The following DDR1 variants were observed in gnomAD, a reference collection of about 807,000 sequenced individuals.
DDR1 encodes discoidin domain receptor tyrosine kinase 1.
DDR1 carries 64 observed loss-of-function variants against 97.4 expected under a neutral mutation model. That is an observed-to-expected ratio of 0.66 (90% CI 0.54 to 0.81). The LOEUF (loss-of-function observed/expected upper bound fraction) is 0.81. Ranked by LOEUF, DDR1 falls within the 30% of genes least tolerant of loss-of-function variation. The pLI, the probability that DDR1 is intolerant of heterozygous loss-of-function variation, is 0.00. For missense variants in DDR1, 990 were observed against 1,259.6 expected, an observed-to-expected ratio of 0.79 and a Z score of 3.24; for synonymous variants, 458 against 503.7, an observed-to-expected ratio of 0.91 and a Z score of 1.21.
At position 30,894,834 on chromosome 6, in the gene DDR1, GT is replaced by G. The variant is rs1483650641; in HGVS notation, c.1513+164del. On this transcript the variant is annotated intron_variant, in intron 11 of 17. Coordinates refer to ENST00000376568, the MANE Select transcript of DDR1 (RefSeq NM_001297654.2). The surrounding 1 kb of genome is among the most constrained non-coding windows in gnomAD (Gnocchi z 5.7). ...TATCACTCTTTGTCCCTACCATGTA[GT>G]CTCTCTCAAGAGTTCCCCATGTATT... 1.1e-4 allele frequency among the ~76,000 whole-genome samples: 16 copies of G among 151,902 alleles called. No individual in the cohort carries two copies. Among genetic ancestry groups the G allele is most frequent in the African/African-American group, 3.6e-4 (15 of 41,326 alleles).
Position 30,897,433 on chromosome 6 carries a change from C to T in DDR1, c.2052C>T (p.Ile684=), listed in dbSNP as rs369128143. 23 of 1,614,046 alleles carry T rather than the reference C, an allele frequency of 1.4e-5. No individual in the cohort carries two copies. Among genetic ancestry groups the T allele is most frequent in the Non-Finnish European group, 1.9e-5 (22 of 1,180,036 alleles). The stretch of plus-strand genomic sequence containing the variant: ...TGTCGAGGCTCAAGGACCCAAACAT[C>T]ATTCGGCTGCTGGGCGTGTGTGTGC... The part of the protein sequence containing the change: ...KIMSRLKDPN[I]IRLLGVCVQD... The change falls in exon 15 of 18, where the codon ATC becomes ATT. Residue 684 remains isoleucine, a synonymous_variant. Coordinates refer to ENST00000376568, the MANE Select transcript of DDR1 (RefSeq NM_001297654.2). This position sits in a 1 kb window ranked among gnomAD's most constrained non-coding sequence, Gnocchi z 5.2.
Position 30,899,983 on chromosome 6 carries a change from T to G in DDR1, c.*687T>G, listed in dbSNP as rs1178035045. ...AAAGAGGGAGCAACGGCCCATAGCC[T>G]TGGGGTTGGACATCTCTAGTGTAGC... On this transcript the variant is annotated 3_prime_UTR_variant, in exon 18 of 18. Transcript: ENST00000376568. The G allele has an allele frequency of 8.5e-6, 5 of 586,304 alleles. No homozygotes were observed. Among genetic ancestry groups the G allele is most frequent in the Admixed American group, 7.5e-5 (4 of 53,006 alleles). 36.3% of individuals were successfully genotyped at this position (586,304 alleles called of 1,614,324 possible).
Position 30,893,080 on chromosome 6 carries a change from A to G in DDR1, c.1112A>G (p.Asn371Ser). The G allele has an allele frequency of 1.2e-6, 2 of 1,612,452 alleles. No individual in the cohort carries two copies. Among genetic ancestry groups the G allele is most frequent in the Non-Finnish European group, 1.7e-6 (2 of 1,179,814 alleles). Reference sequence around the variant, plus strand: ...TCCTTCTCCCCAGATGTGGTGAACAATTCCTCTCCGGCACTGGGAGGCACC... The same window carrying G: ...TCCTTCTCCCCAGATGTGGTGAACAGTTCCTCTCCGGCACTGGGAGGCACC... ...EISFISDVVN[N>S]SSPALGGTFP... is the part of the protein sequence containing the mutation. The change falls in exon 9 of 18, where the codon AAT (asparagine) becomes AGT (serine). Residue 371 changes from asparagine (N) to serine (S), a missense_variant. Asn to Ser is a conservative substitution (Grantham distance 46). Coordinates refer to ENST00000376568, the MANE Select transcript of DDR1 (RefSeq NM_001297654.2).
At position 30,891,820 on chromosome 6, in the gene DDR1, T is replaced by G. The variant is rs1434975634; in HGVS notation, c.666-182T>G. ...GTGACCTGCAAGGTACCTGTAGTGC[T>G]GGGGTGGGGTGGAGAGAGGAGAAGG... On this transcript the variant is annotated intron_variant, in intron 6 of 17. Coordinates refer to ENST00000376568, the MANE Select transcript of DDR1 (RefSeq NM_001297654.2). This position sits in a 1 kb window ranked among gnomAD's most constrained non-coding sequence, Gnocchi z 5.3. Among the ~76,000 whole-genome samples, 1 of 151,998 alleles carries G rather than the reference T, an allele frequency of 6.6e-6. No homozygotes were observed. Among genetic ancestry groups the G allele is most frequent in the Non-Finnish European group, 1.5e-5 (1 of 67,994 alleles).
At position 30,898,317 on chromosome 6, in the gene DDR1, C is replaced by T; in HGVS notation, c.2451+10C>T. On this transcript the variant is annotated intron_variant, in intron 16 of 17. Transcript: ENST00000376568. ...GGAGTGCATCCTCATGGTGAGCAGC[C>T]CGAGGACAGCCAGGTTGGAGCAGGG... The T allele has an allele frequency of 6.2e-7, 1 of 1,601,572 alleles. No homozygotes were observed. The highest frequency in any genetic ancestry group is 8.5e-7 in the Non-Finnish European group (1 of 1,171,116).
In DDR1 at chr6:30,888,609, C is replaced by T. The variant is rs534121673; in HGVS notation, c.-42-79C>T. ...TGTTTTACTGTTATTATCCCCAAAG[C>T]GGCCCATTCTGTCTGTTGCTGTCAG... On this transcript the variant is annotated intron_variant, in intron 1 of 17. Coordinates refer to ENST00000376568, the MANE Select transcript of DDR1 (RefSeq NM_001297654.2). The surrounding 1 kb of genome is among the most constrained non-coding windows in gnomAD (Gnocchi z 4.2). The T allele has an allele frequency of 2.2e-5, 32 of 1,454,082 alleles. No individual in the cohort carries two copies. The highest frequency in any genetic ancestry group is 1.8e-4 in the Middle Eastern group (1 of 5,672). The allele number at this position is 1,454,082 out of a possible 1,614,324, so 90.1% of individuals were successfully genotyped here.
At chr6:30,892,651 C>A (rs1788954532) in intron 8 of DDR1, 109 bp downstream of exon 8, 3 of 1,430,502 alleles carry the variant, frequency 2.1e-6, no homozygotes, top group Non-Finnish European at 2.8e-6. Context: ...ATCTACCCAT[C>A]ACCCACCGAA....
In DDR1 at chr6:30,892,429, C is replaced by T. The variant is rs1463386505; in HGVS notation, c.986C>T (p.Pro329Leu). The T allele has an allele frequency of 8.1e-6, 13 of 1,606,674 alleles. No individual in the cohort carries two copies. Among genetic ancestry groups the T allele is most frequent in the Non-Finnish European group, 1.1e-5 (13 of 1,179,332 alleles). The change falls in exon 8 of 18, where the codon CCC becomes CTC. Residue 329 changes from proline to leucine, a missense_variant. By Grantham distance (98) the Pro-to-Leu change is moderately conservative (BLOSUM62 -3). Transcript: ENST00000376568. The part of the protein sequence containing the change: ...RHNLGGNLGD[P>L]RARAVSVPLG... ...AACCTAGGGGGCAACCTGGGGGACCCCAGAGCCCGGGCTGTCTCAGTGCCC... is the reference window on the plus strand; with the variant it reads ...AACCTAGGGGGCAACCTGGGGGACCTCAGAGCCCGGGCTGTCTCAGTGCCC...
At position 30,884,795 on chromosome 6, in the gene DDR1, G is replaced by A; in HGVS notation, c.-43+85G>A. ...CGCGGCGGCGCCTGCAGGGCGAGGG[G>A]CGGGGGAGGCAGGACGTCCCGAGCC... is the stretch of plus-strand genomic sequence containing the variant. On this transcript the variant is annotated intron_variant, in intron 1 of 17. Coordinates refer to ENST00000376568, the MANE Select transcript of DDR1 (RefSeq NM_001297654.2). The surrounding 1 kb of genome is among the most constrained non-coding windows in gnomAD (Gnocchi z 6.1). 1 of 179,172 alleles carries A rather than the reference G, an allele frequency of 5.6e-6. No homozygotes were observed. The highest frequency in any genetic ancestry group is 1.3e-4 in the East Asian group (1 of 7,566). 11.1% of individuals were successfully genotyped at this position (179,172 alleles called of 1,614,324 possible). A position where few individuals can be genotyped will look rare whatever the true frequency, so the allele number is the denominator to read the frequency against.
Position 30,891,547 on chromosome 6 carries a change from G to GTGTGTGTGTT in DDR1, c.665+77_665+78insTTGTGTGTGT, listed in dbSNP as rs1554256393. On this transcript the variant is annotated intron_variant, in intron 6 of 17. Coordinates refer to ENST00000376568, the MANE Select transcript of DDR1 (RefSeq NM_001297654.2). The surrounding 1 kb of genome is among the most constrained non-coding windows in gnomAD (Gnocchi z 5.3). ...GAGGACTGTGTGTGTGTGTGTGTGT[G>GTGTGTGTGTT]TGTGTGTGTGAGAGTGTGTGTGTGT... The GTGTGTGTGTT allele has an allele frequency of 0.015, 14,566 of 958,916 alleles. 383 individuals carry two copies. Among genetic ancestry groups the GTGTGTGTGTT allele is most frequent in the East Asian group, 0.13 (5,178 of 38,688 alleles). The allele number at this position is 958,916 out of a possible 1,614,324, so 59.4% of individuals were successfully genotyped here.
chr6:30,883,433 C>G (rs1413072449), upstream of DDR1: 1 of 152,696 alleles, frequency 6.5e-6, no homozygotes, highest in Admixed American at 6.5e-5. The surrounding 1 kb of genome is among the most constrained non-coding windows in gnomAD (Gnocchi z 4.9). Context: ...ATCCTCTGCC[C>G]AGTAGCTCTC....
chr6:30,881,951 T>A (rs1784384566), upstream of DDR1: 1 of 153,160 alleles, frequency 6.5e-6, no homozygotes, highest in African/African-American at 2.4e-5. Context: ...AATCTCCTCC[T>A]TCGCTCCCTG....
At position 30,893,091 on chromosome 6, in the gene DDR1, G is replaced by A. The variant is rs375127720; in HGVS notation, c.1123G>A (p.Ala375Thr). 6 of 1,612,000 alleles carry A rather than the reference G, an allele frequency of 3.7e-6. No individual in the cohort carries two copies. The African/African-American group carries it at 6.7e-5, about 18-fold the overall frequency. The stretch of plus-strand genomic sequence containing the variant: ...AGATGTGGTGAACAATTCCTCTCCG[G>A]CACTGGGAGGCACCTTCCCGCCAGC... Reference protein sequence around the residue: ...ISDVVNNSSPALGGTFPPAPW... With the variant: ...ISDVVNNSSPTLGGTFPPAPW... The change falls in exon 9 of 18, where the codon GCA (alanine) becomes ACA (threonine). Residue 375 changes from alanine (A) to threonine (T), a missense_variant. By Grantham distance (58) the Ala-to-Thr change is moderately conservative. Transcript: ENST00000376568.
Position 30,895,439 on chromosome 6 carries a change from C to G in DDR1, c.1549C>G (p.Leu517Val), listed in dbSNP as rs759245439. 6.2e-7 allele frequency: 1 copy of G among 1,611,064 alleles called. No homozygotes were observed. The highest frequency in any genetic ancestry group is 1.3e-5 in the African/African-American group (1 of 74,880). The change falls in exon 12 of 18, where the codon CTG becomes GTG. Residue 517 changes from leucine to valine, a missense_variant. Leu to Val is a conservative substitution (Grantham distance 32). Coordinates refer to ENST00000376568, the MANE Select transcript of DDR1 (RefSeq NM_001297654.2). ...CTCCAATCCAGCCTACCGCCTCCTT[C>G]TGGCCACTTACGCCCGTCCCCCTCG... is the stretch of plus-strand genomic sequence containing the variant. ...LLSNPAYRLL[L>V]ATYARPPRGP...
At chr6:30,895,993 G>T (rs568607483) in intron 12 of DDR1, among the ~76,000 whole-genome samples, 2 of 152,082 alleles carry the variant, frequency 1.3e-5, no homozygotes, top group Admixed American at 1.3e-4. Context: ...CCTTCTCATT[G>T]TGGCCCCTTC....
intron 1 of DDR1, chr6:30,885,062 G>A: frequency 1.3e-6 from 1 of 741,158 alleles, no homozygotes; most frequent in Non-Finnish European, 2.2e-6. Flanking sequence ...CCCTCCACCT[G>A]GCCAGTCCCT....
At chr6:30,882,506 C>T (rs1784460332), upstream of DDR1, 1 of 152,330 alleles carries the variant, frequency 6.6e-6, no homozygotes, top group Non-Finnish European at 1.5e-5. This position sits in a 1 kb window ranked among gnomAD's most constrained non-coding sequence, Gnocchi z 4.8. Context: ...CCCTCTCAGG[C>T]CCCTGGGAAT....
Position 30,898,173 on chromosome 6 carries a change from C to G in DDR1, c.2317C>G (p.Leu773Val). The G allele has an allele frequency of 4.3e-6, 7 of 1,614,278 alleles. No individual in the cohort carries two copies. Among genetic ancestry groups the G allele is most frequent in the Non-Finnish European group, 5.9e-6 (7 of 1,180,048 alleles). The part of the protein sequence containing the change: ...VHRDLATRNC[L>V]VGENFTIKIA... ...TCGGGACCTGGCCACGCGGAACTGCCTAGTTGGGGAAAATTTCACCATCAA... is the reference window on the plus strand; with the variant it reads ...TCGGGACCTGGCCACGCGGAACTGCGTAGTTGGGGAAAATTTCACCATCAA... The change falls in exon 16 of 18, where the codon CTA becomes GTA. Residue 773 changes from leucine (L) to valine (V), a missense_variant. Coordinates refer to ENST00000376568, the MANE Select transcript of DDR1 (RefSeq NM_001297654.2).
Position 30,891,918 on chromosome 6 carries a change from G to A in DDR1, c.666-84G>A. 1 of 1,483,922 alleles carries A rather than the reference G, an allele frequency of 6.7e-7. No individual in the cohort carries two copies. Among genetic ancestry groups the A allele is most frequent in the South Asian group, 1.2e-5 (1 of 83,400 alleles). 91.9% of individuals were successfully genotyped at this position (1,483,922 alleles called of 1,614,324 possible). A position where few individuals can be genotyped will look rare whatever the true frequency, so the allele number is the denominator to read the frequency against. ...GGAGCCAGGCTGGCCATGCCACTGT[G>A]CCGGAGGGTGGCGGAGCAGAATGCC... On this transcript the variant is annotated intron_variant, in intron 6 of 17. Transcript: ENST00000376568. This position sits in a 1 kb window ranked among gnomAD's most constrained non-coding sequence, Gnocchi z 5.3.
Sources: gnomAD v4.1 joint callset for allele counts (sites outside exome capture counted in the v4.1 genomes callset) on GRCh38, gnomAD v4.1.1 for gene constraint, Gnocchi (gnomAD v3.1) non-coding constraint, MANE v1.5 for transcripts, NCBI Gene and HGNC (gene_info 2026-07-23, HGNC 2026-07-21) for gene names.